CAPN14: variants seen among roughly 807,000 people sequenced by gnomAD.
The protein encoded by CAPN14 is calpain-14.
A neutral mutation model predicts 101.3 loss-of-function variants in CAPN14; 94 were observed. That is an observed-to-expected ratio of 0.93 (90% CI 0.79 to 1.10). The LOEUF (loss-of-function observed/expected upper bound fraction) is 1.10. CAPN14 is among the 50% of genes least tolerant of loss of function. The pLI is 0.00. For missense variants in CAPN14, 837 were observed against 828.4 expected (o/e 1.01, Z -0.13); for synonymous variants, 338 against 317.9 (o/e 1.06, Z -0.67).
Position 31,205,408 on chromosome 2 carries a change from C to T in CAPN14, c.40G>A (p.Ala14Thr). The T allele has an allele frequency of 6.4e-7, 1 of 1,551,550 alleles. No individual in the cohort carries two copies. The highest frequency in any genetic ancestry group is 8.7e-7 in the Non-Finnish European group (1 of 1,146,962). The change falls in exon 2 of 22, where the codon GCG becomes ACG. Residue 14 changes from alanine (A) to threonine (T), a missense_variant. Transcript: ENST00000403897. ...WPPFRCRWKL[A>T]PRYSRRASPQ... is the part of the protein sequence containing the mutation. The stretch of plus-strand genomic sequence containing the variant: ...GACGCCCTCCTAGAGTACCTTGGCG[C>T]CAGCTTCCATCTGCATCGGAAAGGT...
At chr2:31,184,969 C>T (rs1680832913) in intron 16 of CAPN14, among the ~76,000 whole-genome samples, 3 of 152,204 alleles carry the variant, frequency 2.0e-5, no homozygotes, top group Admixed American at 2.0e-4. Context: ...AGAACTTGTG[C>T]TACCATCTTA....
chr2:31,198,718 AGTTGG>A (rs1196121515), intron 7 of CAPN14, among the ~76,000 whole-genome samples: 1 of 152,194 alleles, frequency 6.6e-6, no homozygotes, highest in Non-Finnish European at 1.5e-5. Flanking sequence ...ACTTGGGAAG[AGTTGG>A]GCCCTCTAGA....
chr2:31,223,969 T>A (rs751202202), intron 2 of CAPN14, among the ~76,000 whole-genome samples: 8 of 152,236 alleles, frequency 5.3e-5, no homozygotes, highest in Non-Finnish European at 1.0e-4. Flanking sequence ...CATTTTTTCC[T>A]ATGTTTGTTT....
intron 1 of CAPN14, among the ~76,000 whole-genome samples, chr2:31,207,230 A>G (rs1399213926): frequency 1.3e-5 from 2 of 151,922 alleles, no homozygotes; most frequent in East Asian, 1.9e-4. Flanking sequence ...CCATCCCCCA[A>G]AGTCTAACTT....
intron 1 of CAPN14, among the ~76,000 whole-genome samples, chr2:31,228,673 G>C (rs1458616490): frequency 6.6e-6 from 1 of 152,180 alleles, no homozygotes; most frequent in Non-Finnish European, 1.5e-5. Context: ...GTGCCATGTA[G>C]TGGATAAAAG....
chr2:31,198,417 C>G (rs753052379), intron 7 of CAPN14, among the ~76,000 whole-genome samples: 4 of 152,190 alleles, frequency 2.6e-5, no homozygotes, highest in Non-Finnish European at 5.9e-5. Flanking sequence ...AGGCGCACAT[C>G]CTCAACATTG....
intron 2 of CAPN14, among the ~76,000 whole-genome samples, chr2:31,204,147 T>C (rs1189624332): frequency 6.6e-6 from 1 of 152,176 alleles, no homozygotes; most frequent in Non-Finnish European, 1.5e-5. Flanking sequence ...TTTTTGGCTA[T>C]AGCTGTTCTG....
chr2:31,183,792 T>TGTCC (rs1680769670), intron 16 of CAPN14, among the ~76,000 whole-genome samples: 1 of 149,888 alleles, frequency 6.7e-6, no homozygotes, highest in Admixed American at 6.7e-5. Context: ...TCTTCCCTCC[T>TGTCC]TTCCTTCCTT....
In CAPN14 at chr2:31,173,226, C is replaced by G. The variant is rs537535192; in HGVS notation, c.*1455G>C. 2 of 152,126 alleles carry G rather than the reference C, an allele frequency of 1.3e-5. No homozygotes were observed. The highest frequency in any genetic ancestry group is 2.9e-5 in the Non-Finnish European group (2 of 68,022). 9.4% of individuals were successfully genotyped at this position (152,126 alleles called of 1,614,324 possible). On this transcript the variant is annotated 3_prime_UTR_variant, in exon 22 of 22. Coordinates refer to ENST00000403897, the MANE Select transcript of CAPN14 (RefSeq NM_001145122.2). ...TCATGTATCTGGCACTTTATGGAAA[C>G]CCATTTTACATTTTATCATTTGGAA...
intron 2 of CAPN14, among the ~76,000 whole-genome samples, chr2:31,204,124 G>A (rs1030776256): frequency 5.9e-5 from 9 of 152,160 alleles, no homozygotes; most frequent in Non-Finnish European, 1.2e-4. Flanking sequence ...AAGCTAAACA[G>A]TACCTTGATA....
At chr2:31,233,105 A>C (rs1438309629) in intron 1 of CAPN14, among the ~76,000 whole-genome samples, 1 of 152,232 alleles carries the variant, frequency 6.6e-6, no homozygotes, top group East Asian at 1.9e-4. Context: ...ATGATCTGCC[A>C]TGAAGGTTAA....
chr2:31,201,696 A>G (rs905496613), intron 5 of CAPN14, among the ~76,000 whole-genome samples, 166 bp downstream of exon 5: 14 of 152,142 alleles, frequency 9.2e-5, no homozygotes, highest in Admixed American at 5.9e-4. Context: ...GGTTTAGATG[A>G]GGTGACCCCT....
chr2:31,181,133 A>T, intron 16 of CAPN14, 133 bp from the exon 17 acceptor site: 1 of 686,210 alleles, frequency 1.5e-6, no homozygotes, highest in South Asian at 1.8e-5. Flanking sequence ...GAAGAGTGAG[A>T]ATGGAAGACA....
intron 17 of CAPN14, among the ~76,000 whole-genome samples, chr2:31,179,737 C>G (rs887232667): frequency 3.3e-5 from 5 of 152,162 alleles, no homozygotes; most frequent in Non-Finnish European, 5.9e-5. Context: ...TGTTTCCTTA[C>G]TTTTTAATGA....
Position 31,202,117 on chromosome 2 carries a change from C to G in CAPN14, c.414+17G>C. The G allele has an allele frequency of 6.4e-7, 1 of 1,550,638 alleles. No individual in the cohort carries two copies. The highest frequency in any genetic ancestry group is 2.0e-5 in the Admixed American group (1 of 51,004). ...CCTATGACTCCCTCTGGGCTGAGGA[C>G]CCGGGAAGACACTCACCCAGAACCG... On this transcript the variant is annotated intron_variant, in intron 4 of 21. Transcript: ENST00000403897.
At position 31,174,665 on chromosome 2, in the gene CAPN14, G is replaced by T. The variant is rs966651374; in HGVS notation, c.*16C>A. The T allele has an allele frequency of 1.9e-6, 3 of 1,551,446 alleles. No individual in the cohort carries two copies. In the South Asian group the frequency reaches 3.6e-5, roughly 18 times the overall value. ...CATGCAGAGTCTTCAGTGAGGGCAG[G>T]TGAGACTCAGCCTTCTCAGGAGTAC... On this transcript the variant is annotated 3_prime_UTR_variant, in exon 22 of 22. Transcript: ENST00000403897.
At chr2:31,219,872 C>T (rs540697336), upstream of CAPN14, among the ~76,000 whole-genome samples, 2 of 152,288 alleles carry the variant, frequency 1.3e-5, no homozygotes, top group South Asian at 4.2e-4. Context: ...CTTGAGCAAA[C>T]ATTCAAAGGA....
At chr2:31,218,309 C>T (rs186373820), upstream of CAPN14, among the ~76,000 whole-genome samples, 142 of 129,126 alleles carry the variant, frequency 1.1e-3, 1 homozygote, top group Admixed American at 0.012. Context: ...TTAGTTGGTT[C>T]CAGCTTGCCT....
intron 6 of CAPN14, among the ~76,000 whole-genome samples, chr2:31,200,035 CT>C (rs1414209292): frequency 6.6e-6 from 1 of 152,130 alleles, no homozygotes; most frequent in Non-Finnish European, 1.5e-5. Context: ...CGGAATCTCT[CT>C]CTTGTTGCCC....
Sources: gnomAD v4.1 joint callset for allele counts (sites outside exome capture counted in the v4.1 genomes callset) on GRCh38, gnomAD v4.1.1 for gene constraint, MANE v1.5 for transcripts, NCBI Gene and HGNC (gene_info 2026-07-23, HGNC 2026-07-21) for gene names.